The following RSPO2 variants were observed in gnomAD, a reference collection of about 807,000 sequenced individuals.
The protein encoded by RSPO2 is R-spondin 2.
Under a neutral mutation model 30.9 loss-of-function variants are expected in RSPO2, and 14 were observed. The ratio of observed to expected loss-of-function variants is 0.45; its 90% CI spans 0.30 to 0.71. The LOEUF (loss-of-function observed/expected upper bound fraction) is 0.71, where lower values mean the gene tolerates loss of function less well. RSPO2 is among the 30% of genes least tolerant of loss of function. The pLI is 0.08. For synonymous variants in RSPO2, 107 were observed against 96.4 expected (o/e 1.11, Z -0.64); for missense variants, 264 against 301.9 (o/e 0.87, Z 0.93).
At chr8:107,985,712 T>C (rs910556114) in intron 3 of RSPO2, among the ~76,000 whole-genome samples, 2 of 152,222 alleles carry the variant, frequency 1.3e-5, no homozygotes, top group African/African-American at 2.4e-5. Flanking sequence ...TAAAGTTTTA[T>C]GTAAATGATT....
intron 2 of RSPO2, among the ~76,000 whole-genome samples, chr8:108,013,836 C>A (rs187395943): frequency 1.1e-4 from 17 of 152,240 alleles, no homozygotes; most frequent in Admixed American, 1.1e-3. Context: ...GCAACAAAAG[C>A]CAAATTGACA....
chr8:107,996,022 T>C (rs1815008350), intron 2 of RSPO2, among the ~76,000 whole-genome samples: 1 of 152,150 alleles, frequency 6.6e-6, no homozygotes, highest in African/African-American at 2.4e-5. Flanking sequence ...TTTATTCTGG[T>C]ATCATTCTTA....
intron 5 of RSPO2, among the ~76,000 whole-genome samples, chr8:107,953,019 G>C (rs1813305585): frequency 6.6e-6 from 1 of 152,172 alleles, no homozygotes; most frequent in South Asian, 2.1e-4. Context: ...TTGCTGTGTG[G>C]TTACTAAAAA....
chr8:107,999,062 A>C (rs1815133450), intron 2 of RSPO2, among the ~76,000 whole-genome samples: 1 of 152,114 alleles, frequency 6.6e-6, no homozygotes. Flanking sequence ...AAAATAACCC[A>C]TATTTTCTCA....
chr8:107,932,602 G>C (rs1473094455), intron 5 of RSPO2, among the ~76,000 whole-genome samples: 1 of 152,090 alleles, frequency 6.6e-6, no homozygotes, highest in African/African-American at 2.4e-5. Context: ...GAAGAGCTAA[G>C]GCCTAAGAAT....
At position 107,951,054 on chromosome 8, in the gene RSPO2, TTG is replaced by T. The variant is rs1563535635; in HGVS notation, c.616+7024_616+7025del. On this transcript the variant is annotated intron_variant, in intron 5 of 5. Coordinates refer to ENST00000276659, the MANE Select transcript of RSPO2 (RefSeq NM_178565.5). ...GATAGGGAGAATAAGTTTTTTTTTGTTGTTGTTGTTGTTGTTGTTGTTGTTGT... is the reference window on the plus strand; with the variant it reads ...GATAGGGAGAATAAGTTTTTTTTTGTTTGTTGTTGTTGTTGTTGTTGTTGT... Among the ~76,000 whole-genome samples the T allele has an allele frequency of 1.1e-3, 153 of 145,482 alleles. 3 individuals carry two copies. The highest frequency in any genetic ancestry group is 7.0e-3 in the Middle Eastern group (2 of 286).
rs1362242068 is a variant in RSPO2, at chr8:108,047,612, C to A, written c.94+34933G>T. ...CCTGTAATCCCAGCACTTTTGGAGG[C>A]CAAGGCAGGTGGACCATTTGAGGTC... is the stretch of plus-strand genomic sequence containing the variant. On this transcript the variant is annotated intron_variant, in intron 2 of 5. Transcript: ENST00000276659. Among the ~76,000 whole-genome samples, 8 of 152,144 alleles carry A rather than the reference C, an allele frequency of 5.3e-5. No individual in the cohort carries two copies. The East Asian group carries it at 1.5e-3, about 29-fold the overall frequency.
intron 5 of RSPO2, among the ~76,000 whole-genome samples, chr8:107,927,008 T>C (rs1812399114): frequency 1.3e-5 from 2 of 152,068 alleles, no homozygotes; most frequent in Non-Finnish European, 2.9e-5. Context: ...TTTCACGATA[T>C]TGATTCTTCC....
chr8:107,953,535 G>A (rs910502895), intron 5 of RSPO2, among the ~76,000 whole-genome samples: 11 of 152,184 alleles, frequency 7.2e-5, no homozygotes, highest in African/African-American at 2.7e-4. Flanking sequence ...AAAGTAAAAT[G>A]ATATTTCTGC....
chr8:108,057,629 C>T (rs1459160192), intron 2 of RSPO2, among the ~76,000 whole-genome samples: 2 of 151,902 alleles, frequency 1.3e-5, no homozygotes, highest in African/African-American at 4.8e-5. Context: ...ACATCAATGG[C>T]TGACCCCAAA....
intron 2 of RSPO2, among the ~76,000 whole-genome samples, chr8:108,072,224 C>T (rs527963372): frequency 2.6e-5 from 4 of 151,396 alleles, no homozygotes; most frequent in South Asian, 4.2e-4. Flanking sequence ...GATGACACAG[C>T]GCAGATCATT....
chr8:108,026,974 A>G (rs890854837), intron 2 of RSPO2, among the ~76,000 whole-genome samples: 1 of 152,230 alleles, frequency 6.6e-6, no homozygotes, highest in Non-Finnish European at 1.5e-5. Context: ...TAAAAAATAT[A>G]GTCAATCCAA....
At chr8:107,973,531 C>CAG (rs1296719125) in intron 3 of RSPO2, among the ~76,000 whole-genome samples, 33 of 27,072 alleles carry the variant, frequency 1.2e-3, no homozygotes, top group Admixed American at 3.1e-3. Flanking sequence ...CAGACACACA[C>CAG]TCACACACAC....
chr8:107,975,655 A>G (rs148551911), intron 3 of RSPO2, among the ~76,000 whole-genome samples: 270 of 152,326 alleles, frequency 1.8e-3, no homozygotes, highest in African/African-American at 6.2e-3. Context: ...TAATCATTCA[A>G]TTAATATGTA....
At chr8:107,908,094 A>T (rs1811710887) in intron 5 of RSPO2, among the ~76,000 whole-genome samples, 1 of 152,138 alleles carries the variant, frequency 6.6e-6, no homozygotes, top group Admixed American at 6.5e-5. Flanking sequence ...AATGAACTGT[A>T]TTTACCAGTA....
Position 108,058,899 on chromosome 8 carries a change from A to G in RSPO2, c.94+23646T>C, listed in dbSNP as rs183565106. On this transcript the variant is annotated intron_variant, in intron 2 of 5. Coordinates refer to ENST00000276659, the MANE Select transcript of RSPO2 (RefSeq NM_178565.5). ...AGACCTAAAACCATAAAAACCCTAGAAGAAAACCTAGGCATTACCATTCAG... is the reference window on the plus strand; with the variant it reads ...AGACCTAAAACCATAAAAACCCTAGGAGAAAACCTAGGCATTACCATTCAG... Among the ~76,000 whole-genome samples the G allele has an allele frequency of 6.8e-4, 103 of 151,840 alleles. 5 individuals are homozygous for G. The highest frequency in any genetic ancestry group is 2.3e-3 in the African/African-American group (94 of 41,098).
chr8:107,954,634 C>T (rs990571899), intron 5 of RSPO2, among the ~76,000 whole-genome samples: 2 of 148,112 alleles, frequency 1.4e-5, no homozygotes, highest in Non-Finnish European at 3.0e-5. Flanking sequence ...TATTTTGAGA[C>T]GGAGTCCTGC....
At chr8:107,978,976 A>G (rs1340122158) in intron 3 of RSPO2, among the ~76,000 whole-genome samples, 5 of 152,326 alleles carry the variant, frequency 3.3e-5, no homozygotes, top group African/African-American at 1.2e-4. Context: ...CAAAACCACA[A>G]TGAGATACCA....
intron 5 of RSPO2, among the ~76,000 whole-genome samples, chr8:107,914,089 C>G (rs949149555): frequency 1.3e-5 from 2 of 152,024 alleles, no homozygotes; most frequent in Admixed American, 6.6e-5. Context: ...TCCAAACTAC[C>G]ATAATTTTAG....
Sources: allele counts gnomAD v4.1 joint callset (sites outside exome capture counted in the v4.1 genomes callset), GRCh38; gene constraint gnomAD v4.1.1; transcripts MANE v1.5; gene names NCBI Gene and HGNC (gene_info 2026-07-23, HGNC 2026-07-21).